The following STK17B variants were observed in gnomAD, a reference collection of about 807,000 sequenced individuals.
The protein encoded by STK17B is serine/threonine kinase 17b, also known as serine/threonine-protein kinase 17B.
A neutral mutation model predicts 42.0 loss-of-function variants in STK17B; 21 were observed. The observed-to-expected ratio is 0.50, with a 90% CI of 0.35 to 0.72. The LOEUF (loss-of-function observed/expected upper bound fraction) is 0.72. Among genes scored for constraint, STK17B ranks in the 30% least tolerant of loss-of-function variants. The probability of loss-of-function intolerance (pLI) is 0.00; values close to 1 mark genes in which losing one functional copy is unlikely to be tolerated. For missense variants in STK17B, 349 were observed against 446.0 expected, an observed-to-expected ratio of 0.78 and a Z score of 1.96; for synonymous variants, 143 against 148.4, an observed-to-expected ratio of 0.96 and a Z score of 0.26.
At chr2:196,171,154 G>A (rs1319158688) in intron 1 of STK17B, among the ~76,000 whole-genome samples, 179 bp downstream of exon 1, 2 of 152,226 alleles carry the variant, frequency 1.3e-5, no homozygotes, top group Non-Finnish European at 2.9e-5. Context: ...GCCGCAAAGC[G>A]GAGAGGCGCC....
intron 3 of STK17B, among the ~76,000 whole-genome samples, chr2:196,155,619 C>T (rs1575181034): frequency 6.6e-6 from 1 of 152,122 alleles, no homozygotes; most frequent in African/African-American, 2.4e-5. Flanking sequence ...AATATATTTA[C>T]TTCATTAAAA....
intron 7 of STK17B, among the ~76,000 whole-genome samples, chr2:196,138,414 T>C (rs1575169388): frequency 6.6e-6 from 1 of 152,356 alleles, no homozygotes; most frequent in East Asian, 1.9e-4. Flanking sequence ...CCATTGAAGC[T>C]TCTAGCATTT....
rs930687628 is a variant in STK17B, at chr2:196,171,517, C to G, written c.-229G>C. The G allele has an allele frequency of 2.6e-5, 4 of 152,270 alleles. No homozygotes were observed. The highest frequency in any genetic ancestry group is 9.6e-5 in the African/African-American group (4 of 41,458). The allele number at this position is 152,270 out of a possible 1,614,324, so 9.4% of individuals were successfully genotyped here. On this transcript the variant is annotated 5_prime_UTR_variant, in exon 1 of 8. Transcript: ENST00000263955. ...AGGGCCGACGGTTGTGACCTGGCTT[C>G]TCGTGAAGTGACTCCTGGCGACAGC... is the stretch of plus-strand genomic sequence containing the variant.
At chr2:196,147,889 G>A (rs1004721029) in intron 3 of STK17B, among the ~76,000 whole-genome samples, 6 of 151,852 alleles carry the variant, frequency 4.0e-5, no homozygotes, top group Non-Finnish European at 7.4e-5. Flanking sequence ...ATGCCACCAC[G>A]CCCGGCTAAT....
At chr2:196,141,902 C>T (rs990035535) in intron 5 of STK17B, among the ~76,000 whole-genome samples, 12 of 134,536 alleles carry the variant, frequency 8.9e-5, no homozygotes, top group Non-Finnish European at 1.6e-4. Flanking sequence ...AAAAGTAAAA[C>T]TCTGGAAGCT....
At chr2:196,140,549 A>G (rs1182775846) in intron 6 of STK17B, among the ~76,000 whole-genome samples, 1 of 135,652 alleles carries the variant, frequency 7.4e-6, no homozygotes, top group Non-Finnish European at 1.6e-5. Flanking sequence ...TGACCTAATT[A>G]TTCTGCTTAA....
At chr2:196,172,216 G>A (rs1296195002), upstream of STK17B, among the ~76,000 whole-genome samples, 1 of 151,948 alleles carries the variant, frequency 6.6e-6, no homozygotes, top group Non-Finnish European at 1.5e-5. Context: ...GTGTAGGGAG[G>A]GTCCCAATAG....
At chr2:196,162,617 G>C (rs922341047) in intron 2 of STK17B, among the ~76,000 whole-genome samples, 4 of 151,978 alleles carry the variant, frequency 2.6e-5, no homozygotes, top group Non-Finnish European at 5.9e-5. Flanking sequence ...GGTACAGTAG[G>C]CAGGGCGCAG....
At position 196,140,189 on chromosome 2, in the gene STK17B, C is replaced by T. The variant is rs143891865; in HGVS notation, c.657-390G>A. Among the ~76,000 whole-genome samples, 278 of 152,314 alleles carry T rather than the reference C, an allele frequency of 1.8e-3. 1 individual carries two copies. The highest frequency in any genetic ancestry group is 6.1e-3 in the African/African-American group (253 of 41,580). ...AATAGAGGCTGCAAGTTTGGCGAAG[C>T]ACAAAGCTGGGCAGGCAAATTTTTT... On this transcript the variant is annotated intron_variant, in intron 6 of 7. Transcript: ENST00000263955.
intron 1 of STK17B, among the ~76,000 whole-genome samples, chr2:196,164,940 T>C (rs1699858709): frequency 6.6e-6 from 1 of 152,226 alleles, no homozygotes. Context: ...AGGGTTGTAG[T>C]GTAGCATTCT....
At chr2:196,152,324 GTCTCCA>G (rs1044970234) in intron 3 of STK17B, among the ~76,000 whole-genome samples, 1 of 151,722 alleles carries the variant, frequency 6.6e-6, no homozygotes, top group Non-Finnish European at 1.5e-5. Flanking sequence ...AGCCAGAATA[GTCTCCA>G]TCTCCTGACC....
chr2:196,166,629 A>AT (rs921539716), intron 1 of STK17B, among the ~76,000 whole-genome samples: 1 of 152,192 alleles, frequency 6.6e-6, no homozygotes, highest in East Asian at 1.9e-4. Flanking sequence ...TATCTCACTT[A>AT]TTTTTAAAGA....
intron 1 of STK17B, among the ~76,000 whole-genome samples, chr2:196,165,041 T>C (rs1699859742): frequency 1.3e-5 from 2 of 152,224 alleles, no homozygotes; most frequent in Admixed American, 1.3e-4. Context: ...TATTTAACTT[T>C]GCTATTGTTA....
At position 196,147,734 on chromosome 2, in the gene STK17B, A is replaced by ATT. The variant is rs200152797; in HGVS notation, c.336-1680_336-1679insAA. Among the ~76,000 whole-genome samples the ATT allele has an allele frequency of 0.02, 2,948 of 145,422 alleles. 244 individuals carry two copies. The East Asian group carries it at 0.25, about 12-fold the overall frequency. ...TTGCTGTAAATTCATGAGACATAAT[A>ATT]TATTTTTTTTTTTTTTGAGATGGAG... On this transcript the variant is annotated intron_variant, in intron 3 of 7. Transcript: ENST00000263955.
chr2:196,140,797 T>C (rs1334927835), intron 6 of STK17B, among the ~76,000 whole-genome samples: 1 of 152,058 alleles, frequency 6.6e-6, no homozygotes, highest in Admixed American at 6.6e-5. Context: ...ACTCCTGACC[T>C]GATGATCCAC....
rs1435924176 is a variant in STK17B, at chr2:196,171,356, C to T, written c.-68G>A. 1 of 152,474 alleles carries T rather than the reference C, an allele frequency of 6.6e-6. No homozygotes were observed. Among genetic ancestry groups the T allele is most frequent in the African/African-American group, 2.4e-5 (1 of 41,454 alleles). 9.4% of individuals were successfully genotyped at this position (152,474 alleles called of 1,614,324 possible). On this transcript the variant is annotated 5_prime_UTR_variant, in exon 1 of 8. Transcript: ENST00000263955. Reference sequence around the variant, plus strand: ...ACCGCTCCGGCCGCCGCAGGTTCTCCCGGGACTGCCCCCTCCAGGGGGCCG... The same window carrying T: ...ACCGCTCCGGCCGCCGCAGGTTCTCTCGGGACTGCCCCCTCCAGGGGGCCG...
At chr2:196,161,854 T>C (rs1699816504) in intron 2 of STK17B, among the ~76,000 whole-genome samples, 1 of 152,076 alleles carries the variant, frequency 6.6e-6, no homozygotes. Context: ...AAAGGCTGCA[T>C]CCAACATCTG....
upstream of STK17B, among the ~76,000 whole-genome samples, chr2:196,173,250 T>C (rs3811629): frequency 0.49 from 74,522 of 151,974 alleles, 20,585 homozygotes; most frequent in South Asian, 0.64. Context: ...CTGCCTTAGC[T>C]CCAGCTTATC....
In STK17B at chr2:196,137,443, A is replaced by C; in HGVS notation, c.*4T>G. On this transcript the variant is annotated 3_prime_UTR_variant, in exon 8 of 8. Coordinates refer to ENST00000263955, the MANE Select transcript of STK17B (RefSeq NM_004226.4). The stretch of plus-strand genomic sequence containing the variant: ...TCAGTCCAAATGAGTCAAAGAAAAA[A>C]GTGCTAACAGAGCAAATCTGAAACA... 6.2e-7 allele frequency: 1 copy of C among 1,608,268 alleles called. No homozygotes were observed. The highest frequency in any genetic ancestry group is 1.1e-5 in the South Asian group (1 of 90,136).
Sources: gnomAD v4.1 joint callset for allele counts (sites outside exome capture counted in the v4.1 genomes callset) on GRCh38, gnomAD v4.1.1 for gene constraint, MANE v1.5 for transcripts, NCBI Gene and HGNC (gene_info 2026-07-23, HGNC 2026-07-21) for gene names.